CNGA3: variants seen among roughly 807,000 people sequenced by gnomAD.
CNGA3 encodes cyclic nucleotide-gated channel alpha-3.
A neutral mutation model predicts 46.6 loss-of-function variants in CNGA3; 42 were observed. The observed-to-expected ratio is 0.90, with a 90% CI of 0.70 to 1.17. CNGA3 has a LOEUF of 1.17. Ranked by LOEUF, CNGA3 falls within the 50% of genes most tolerant of loss-of-function variation. The pLI is 0.00. For missense variants in CNGA3, 893 were observed against 890.7 expected, an observed-to-expected ratio of 1.00 and a Z score of -0.03; for synonymous variants, 394 against 369.4, an observed-to-expected ratio of 1.07 and a Z score of -0.76.
rs1692950441 is a variant in CNGA3, at chr2:98,397,539, T to C, written c.*284T>C. 4 of 495,176 alleles carry C rather than the reference T, an allele frequency of 8.1e-6. No homozygotes were observed. The Admixed American group carries it at 1.4e-4, about 18-fold the overall frequency. The allele number at this position is 495,176 out of a possible 1,614,324, so 30.7% of individuals were successfully genotyped here. ...TCCCCAGTCCAAGTATATGAAAACGTGCACACAGGACTCTCATTACTTTTT... is the reference window on the plus strand; with the variant it reads ...TCCCCAGTCCAAGTATATGAAAACGCGCACACAGGACTCTCATTACTTTTT... On this transcript the variant is annotated 3_prime_UTR_variant, in exon 8 of 8. Transcript: ENST00000272602.
chr2:98,363,990 T>C (rs1692090596), intron 1 of CNGA3, among the ~76,000 whole-genome samples: 1 of 152,228 alleles, frequency 6.6e-6, no homozygotes, highest in African/African-American at 2.4e-5. Flanking sequence ...ATTGGGTGCA[T>C]ATATATTTAA....
rs951327919 is a variant in CNGA3, at chr2:98,353,788, C to A, written c.-38+7254C>A. Among the ~76,000 whole-genome samples the A allele has an allele frequency of 1.8e-4, 27 of 152,276 alleles. 1 individual carries two copies. The highest frequency in any genetic ancestry group is 1.7e-3 in the South Asian group (8 of 4,830). On this transcript the variant is annotated intron_variant, in intron 1 of 7. Coordinates refer to ENST00000272602, the MANE Select transcript of CNGA3 (RefSeq NM_001298.3). Reference sequence around the variant, plus strand: ...AGGAAGCATTATGCTGGCATCTGCTCAGCTTCTTGGGAAGCCTCAGGAAAC... The same window carrying A: ...AGGAAGCATTATGCTGGCATCTGCTAAGCTTCTTGGGAAGCCTCAGGAAAC...
chr2:98,384,663 A>G (rs573599746), intron 5 of CNGA3, among the ~76,000 whole-genome samples: 12 of 152,210 alleles, frequency 7.9e-5, no homozygotes, highest in African/African-American at 2.9e-4. Context: ...CAAACCTGAC[A>G]CTAAACACCC....
chr2:98,377,733 A>T lies in CNGA3; in HGVS notation c.148A>T (p.Ile50Phe), dbSNP rs777234482. 1 of 1,613,374 alleles carries T rather than the reference A, an allele frequency of 6.2e-7. No homozygotes were observed. The highest frequency in any genetic ancestry group is 8.5e-7 in the Non-Finnish European group (1 of 1,180,014). ...EETSSVLQPG[I>F]AMETRGLADS... is the part of the protein sequence containing the mutation. ...GACATCGTCAGTGCTGCAGCCGGGG[A>T]TCGCCATGGAGACCAGAGGACTGGC... Residue 50 changes from isoleucine (I) to phenylalanine (F), a missense_variant, in exon 3 of 8, where the codon ATC (isoleucine) becomes TTC (phenylalanine). Ile to Phe is a conservative substitution (Grantham distance 21). Around this residue, in one of 3 missense-constraint regions of CNGA3, gnomAD observed 333 missense variants for 290.8 expected, o/e 1.15. Coordinates refer to ENST00000272602, the MANE Select transcript of CNGA3 (RefSeq NM_001298.3).
chr2:98,395,778 T>C, intron 7 of CNGA3, 66 bp from the exon 8 acceptor site: 1 of 1,365,456 alleles, frequency 7.3e-7, no homozygotes, highest in Non-Finnish European at 1.0e-6. Context: ...AAAATATGTT[T>C]CTTTGTACTA....
At chr2:98,379,879 G>A (rs560995707) in intron 3 of CNGA3, 8 of 497,326 alleles carry the variant, frequency 1.6e-5, no homozygotes, top group Non-Finnish European at 2.6e-5. Context: ...CATGCCTTAG[G>A]CAGAGTCCAA....
At chr2:98,352,905 G>T (rs1227196149) in intron 1 of CNGA3, among the ~76,000 whole-genome samples, 1 of 152,132 alleles carries the variant, frequency 6.6e-6, no homozygotes, top group Non-Finnish European at 1.5e-5. Flanking sequence ...TGTATATACA[G>T]TTGACCCTTG....
At chr2:98,351,676 A>G (rs1691773458) in intron 1 of CNGA3, among the ~76,000 whole-genome samples, 2 of 152,196 alleles carry the variant, frequency 1.3e-5, no homozygotes, top group African/African-American at 4.8e-5. Context: ...ATACACGTAA[A>G]AAGTTATAGA....
chr2:98,377,795 C>G lies in CNGA3; in HGVS notation c.210C>G (p.Ile70Met). ...SGQGSFTGQG[I>M]ARLSRLIFLL... is the part of the protein sequence containing the mutation. ...AGGGCTCCTTCACCGGCCAGGGGAT[C>G]GCCAGGTAACTGACCAGCCTCAGTC... The change falls in exon 3 of 8, where the codon ATC becomes ATG. Residue 70 changes from isoleucine to methionine, a missense_variant. Ile to Met is a conservative substitution (Grantham distance 10, BLOSUM62 1). This residue lies in a region of CNGA3 where 333 missense variants were observed against 290.8 expected (regional missense o/e 1.15). Transcript: ENST00000272602. 1.2e-6 allele frequency: 2 copies of G among 1,609,990 alleles called. No homozygotes were observed. Among genetic ancestry groups the G allele is most frequent in the Non-Finnish European group, 8.5e-7 (1 of 1,179,120 alleles).
intron 2 of CNGA3, among the ~76,000 whole-genome samples, chr2:98,370,569 GC>G (rs371571249): frequency 3.2e-4 from 49 of 152,298 alleles, no homozygotes; most frequent in African/African-American, 1.2e-3. Flanking sequence ...AGTGGGCAGT[GC>G]CCCTTGTCAG....
intron 2 of CNGA3, among the ~76,000 whole-genome samples, chr2:98,373,295 A>C: frequency 6.6e-6 from 1 of 152,240 alleles, no homozygotes; most frequent in East Asian, 1.9e-4. Flanking sequence ...GCCAGGAGAA[A>C]TAGTGTTTGG....
chr2:98,378,070 T>A, intron 3 of CNGA3: 1 of 1,550,594 alleles, frequency 6.4e-7, no homozygotes, highest in Non-Finnish European at 8.7e-7. Flanking sequence ...TTGGAAGAAT[T>A]CAGAAAAAAA....
chr2:98,361,088 A>G (rs1274789535), intron 1 of CNGA3, among the ~76,000 whole-genome samples: 3 of 151,686 alleles, frequency 2.0e-5, no homozygotes, highest in African/African-American at 7.3e-5. Flanking sequence ...ACATAGGTAA[A>G]TGTGTGCCAT....
rs750806023 is a variant in CNGA3 at position 98,391,971 on chromosome 2, G to C, written c.673+1G>C. 6.2e-7 allele frequency: 1 copy of C among 1,613,476 alleles called. No individual in the cohort carries two copies. Among genetic ancestry groups the C allele is most frequent in the South Asian group, 1.1e-5 (1 of 91,080 alleles). On this transcript the variant is annotated splice_donor_variant, in intron 7 of 7. Coordinates refer to ENST00000272602, the MANE Select transcript of CNGA3 (RefSeq NM_001298.3). LOFTEE classifies it high-confidence loss of function. The stretch of plus-strand genomic sequence containing the variant: ...GATGTGCTTGTACGAGCTCGGACAG[G>C]TGAGTGTGCCCCAGGCCTGGGGAGG...
chr2:98,384,720 A>T (rs1692615817), intron 5 of CNGA3, among the ~76,000 whole-genome samples: 1 of 152,208 alleles, frequency 6.6e-6, no homozygotes, highest in Non-Finnish European at 1.5e-5. Flanking sequence ...GGCTCCAGAT[A>T]CTGAAACCAT....
At chr2:98,395,793 C>A (rs370369226) in intron 7 of CNGA3, 51 bp from the exon 8 acceptor site, 5 of 1,524,990 alleles carry the variant, frequency 3.3e-6, no homozygotes, top group Non-Finnish European at 4.5e-6. Flanking sequence ...GTACTATGGT[C>A]AAAAAAAGTC....
chr2:98,374,286 T>C (rs1692356278), intron 2 of CNGA3, among the ~76,000 whole-genome samples: 1 of 152,232 alleles, frequency 6.6e-6, no homozygotes, highest in South Asian at 2.1e-4. Context: ...GTGAAAATTA[T>C]GTTGTCTTTC....
intron 1 of CNGA3, among the ~76,000 whole-genome samples, chr2:98,356,417 G>A (rs1386602455): frequency 6.6e-6 from 1 of 152,124 alleles, no homozygotes. Context: ...AGTGGCCTGG[G>A]CTAAGTATGC....
rs1232468043 is a variant in CNGA3 at position 98,397,478 on chromosome 2, C to A, written c.*223C>A. 4 of 603,810 alleles carry A rather than the reference C, an allele frequency of 6.6e-6. No homozygotes were observed. Among genetic ancestry groups the A allele is most frequent in the Non-Finnish European group, 8.8e-6 (3 of 339,414 alleles). The allele number at this position is 603,810 out of a possible 1,614,324, so 37.4% of individuals were successfully genotyped here. On this transcript the variant is annotated 3_prime_UTR_variant, in exon 8 of 8. Transcript: ENST00000272602. Reference sequence around the variant, plus strand: ...GTTTGATTGTGAAGTCCGCATGAAACACTGCACCAGGCAGGGCTTTGCAAA... The same window carrying A: ...GTTTGATTGTGAAGTCCGCATGAAAAACTGCACCAGGCAGGGCTTTGCAAA...
Sources: gnomAD v4.1 joint callset for allele counts (sites outside exome capture counted in the v4.1 genomes callset) on GRCh38, gnomAD v4.1.1 for gene constraint, gnomAD v4.1.1 regional missense constraint, MANE v1.5 for transcripts, NCBI Gene and HGNC (gene_info 2026-07-23, HGNC 2026-07-21) for gene names.